The following TOX variants were observed in gnomAD, a reference collection of about 807,000 sequenced individuals.
TOX encodes thymocyte selection associated high mobility group box, also known as thymocyte selection-associated high mobility group box protein TOX.
TOX carries 11 observed loss-of-function variants against 53.7 expected under a neutral mutation model. The observed-to-expected ratio is 0.20, with a 90% CI of 0.13 to 0.34. The LOEUF is 0.34. TOX is among the 10% of genes least tolerant of loss of function. The pLI is 1.00. For synonymous variants in TOX, 225 were observed against 245.3 expected (o/e 0.92, Z 0.77); for missense variants, 570 against 664.6 (o/e 0.86, Z 1.56).
intron 3 of TOX, among the ~76,000 whole-genome samples, chr8:58,881,432 G>A (rs191327039): frequency 1.3e-5 from 2 of 152,108 alleles, no homozygotes; most frequent in East Asian, 1.9e-4. Flanking sequence ...CCATTAAGAC[G>A]TAGAGAGTAA....
intron 2 of TOX, among the ~76,000 whole-genome samples, chr8:58,946,471 T>A (rs1812523696): frequency 6.6e-6 from 1 of 152,194 alleles, no homozygotes; most frequent in Non-Finnish European, 1.5e-5. Context: ...TGTATTACTG[T>A]GGAAAGCTTC....
At chr8:58,869,812 A>G (rs1337902337) in intron 3 of TOX, among the ~76,000 whole-genome samples, 1 of 152,148 alleles carries the variant, frequency 6.6e-6, no homozygotes. Flanking sequence ...CAACAGGCTA[A>G]TGAACAAAAA....
chr8:59,030,060 T>C (rs1814326120), intron 1 of TOX, among the ~76,000 whole-genome samples: 1 of 152,174 alleles, frequency 6.6e-6, no homozygotes, highest in Non-Finnish European at 1.5e-5. Context: ...GGGACCTTAA[T>C]GAACCCCGCT....
chr8:58,927,291 C>T (rs535795106), intron 3 of TOX, among the ~76,000 whole-genome samples: 6 of 152,276 alleles, frequency 3.9e-5, no homozygotes, highest in African/African-American at 1.4e-4. Flanking sequence ...TGAGTCATCA[C>T]GGTGCCGAGT....
chr8:59,093,408 T>C (rs1804659510), intron 1 of TOX, among the ~76,000 whole-genome samples: 2 of 152,240 alleles, frequency 1.3e-5, no homozygotes, highest in African/African-American at 2.4e-5. Context: ...AGGTGCTCAG[T>C]TAACATCCAC....
At chr8:59,044,362 A>G (rs954009460) in intron 1 of TOX, among the ~76,000 whole-genome samples, 1 of 152,152 alleles carries the variant, frequency 6.6e-6, no homozygotes, top group Non-Finnish European at 1.5e-5. Context: ...CAGAGGTGAA[A>G]GTTGACTGTG....
At chr8:59,050,053 T>C (rs1179380590) in intron 1 of TOX, among the ~76,000 whole-genome samples, 1 of 152,184 alleles carries the variant, frequency 6.6e-6, no homozygotes, top group African/African-American at 2.4e-5. Flanking sequence ...ATCCCCAGAT[T>C]CTTTTCAAGT....
At chr8:59,069,504 A>G (rs903333442) in intron 1 of TOX, among the ~76,000 whole-genome samples, 8 of 152,176 alleles carry the variant, frequency 5.3e-5, no homozygotes, top group African/African-American at 1.9e-4. Flanking sequence ...TTTTAGAGAC[A>G]TCAGTTTATA....
chr8:58,848,884 A>G (rs1810763395), intron 4 of TOX, among the ~76,000 whole-genome samples: 1 of 152,142 alleles, frequency 6.6e-6, no homozygotes, highest in African/African-American at 2.4e-5. Flanking sequence ...GACAGCACAA[A>G]GTGTTAAGAG....
intron 6 of TOX, among the ~76,000 whole-genome samples, chr8:58,823,832 A>T (rs1810320641): frequency 6.6e-6 from 1 of 152,232 alleles, no homozygotes; most frequent in Non-Finnish European, 1.5e-5. Flanking sequence ...GCAGACTGTG[A>T]CTATGACATG....
intron 1 of TOX, among the ~76,000 whole-genome samples, chr8:59,007,362 A>G (rs932415143): frequency 2.6e-5 from 4 of 152,244 alleles, no homozygotes; most frequent in Non-Finnish European, 5.9e-5. Flanking sequence ...AAAATGAGAA[A>G]TGGCACTGCT....
At chr8:59,009,485 G>A (rs573615073) in intron 1 of TOX, among the ~76,000 whole-genome samples, 1 of 152,140 alleles carries the variant, frequency 6.6e-6, no homozygotes, top group South Asian at 2.1e-4. Context: ...CGTTTCTCCT[G>A]CCTCAGCCTC....
chr8:59,057,683 T>A (rs563768321), intron 1 of TOX, among the ~76,000 whole-genome samples: 11 of 152,332 alleles, frequency 7.2e-5, no homozygotes, highest in African/African-American at 2.4e-4. Context: ...TAATTATATA[T>A]ATGAATGCTG....
chr8:58,973,552 C>A (rs1486108467), intron 1 of TOX, among the ~76,000 whole-genome samples: 1 of 152,142 alleles, frequency 6.6e-6, no homozygotes, highest in Non-Finnish European at 1.5e-5. Flanking sequence ...GATTTTTAGT[C>A]CAATATTCCT....
rs1173710545 is a variant in TOX at position 58,873,958 on chromosome 8, C to CTTTTTTTTTTTTTTTTTTTTTTTTT, written c.412-22178_412-22154dup. Among the ~76,000 whole-genome samples the CTTTTTTTTTTTTTTTTTTTTTTTTT allele has an allele frequency of 2.3e-3, 91 of 40,138 alleles. 21 individuals are homozygous for CTTTTTTTTTTTTTTTTTTTTTTTTT. Among genetic ancestry groups the CTTTTTTTTTTTTTTTTTTTTTTTTT allele is most frequent in the African/African-American group, 4.1e-3 (24 of 5,792 alleles). The allele number at this position is 40,138 out of a possible 152,430, so 26.3% of individuals were successfully genotyped here. A position where few individuals can be genotyped will look rare whatever the true frequency, so the allele number is the denominator to read the frequency against. ...AATACACATCCTGAATGCCAGGAAG[C>CTTTTTTTTTTTTTTTTTTTTTTTTT]TTTTTTTTTTTTTTTTTTTTTTTTT... is the stretch of plus-strand genomic sequence containing the variant. On this transcript the variant is annotated intron_variant, in intron 3 of 8. Transcript: ENST00000361421.
intron 4 of TOX, among the ~76,000 whole-genome samples, chr8:58,838,741 C>T (rs907066052): frequency 2.9e-5 from 3 of 103,154 alleles, no homozygotes; most frequent in African/African-American, 9.2e-5. Flanking sequence ...CTTGCTCTGT[C>T]GCCAGGCTGG....
At chr8:58,815,871 C>T in intron 6 of TOX, 147 bp from the exon 7 acceptor site, 1 of 873,994 alleles carries the variant, frequency 1.1e-6, no homozygotes, top group Non-Finnish European at 1.7e-6. Context: ...ATTTCTTCAC[C>T]ATTATTTGTA....
At chr8:58,869,016 A>G (rs1333974781) in intron 3 of TOX, among the ~76,000 whole-genome samples, 2 of 151,934 alleles carry the variant, frequency 1.3e-5, no homozygotes, top group African/African-American at 4.8e-5. Flanking sequence ...TCTCAAGGAC[A>G]TTAAAAAGCT....
At chr8:58,919,284 C>G (rs1420826668) in intron 3 of TOX, among the ~76,000 whole-genome samples, 1 of 74,514 alleles carries the variant, frequency 1.3e-5, no homozygotes, top group Non-Finnish European at 2.5e-5. Context: ...CTGGAGGCAT[C>G]ACACTACCTG....
Sources: gnomAD v4.1 joint callset for allele counts (sites outside exome capture counted in the v4.1 genomes callset) on GRCh38, gnomAD v4.1.1 for gene constraint, MANE v1.5 for transcripts, NCBI Gene and HGNC (gene_info 2026-07-23, HGNC 2026-07-21) for gene names.